IFI44L: variants seen among roughly 807,000 people sequenced by gnomAD.
IFI44L encodes interferon-induced protein 44-like.
In IFI44L, 40 loss-of-function variants were observed where a neutral mutation model predicts 39.3. The observed-to-expected ratio is 1.02, with a 90% CI of 0.79 to 1.33. The LOEUF (loss-of-function observed/expected upper bound fraction) is 1.33, where lower values mean the gene tolerates loss of function less well. Among genes scored for constraint, IFI44L ranks in the 40% most tolerant of loss-of-function variants. IFI44L has a pLI of 0.00. For synonymous variants in IFI44L, 198 were observed against 182.3 expected (o/e 1.09, Z -0.69); for missense variants, 623 against 549.0 (o/e 1.13, Z -1.35).
At chr1:78,626,315 G>A (rs901037885) in intron 1 of IFI44L, 1 of 151,790 alleles carries the variant, frequency 6.6e-6, no homozygotes, top group Non-Finnish European at 1.5e-5. Flanking sequence ...CCTTTTAGCT[G>A]TTTGAACATA....
Position 78,641,577 on chromosome 1 carries a change from A to G in IFI44L, c.1292A>G (p.Asp431Gly), listed in dbSNP as rs1557691440. 3.1e-6 allele frequency: 5 copies of G among 1,613,546 alleles called. No homozygotes were observed. Among genetic ancestry groups the G allele is most frequent in the South Asian group, 1.1e-5 (1 of 91,064 alleles). ...AGGCAGATGCTGCGGGCTGCAGATG[A>G]TTTTTTAGAAGATTTGCCTCTTGAG... ...ALRQMLRAAD[D>G]FLEDLPLEET... The change falls in exon 8 of 9, where the codon GAT (aspartate) becomes GGT (glycine). Residue 431 changes from aspartate to glycine, a missense_variant. Asp to Gly is a moderately conservative substitution (Grantham distance 94). Coordinates refer to ENST00000370751, the MANE Select transcript of IFI44L (RefSeq NM_006820.4).
chr1:78,627,959 T>C lies in IFI44L; in HGVS notation c.44T>C (p.Leu15Pro), dbSNP rs1652556251. The change falls in exon 2 of 9, where the codon CTG (leucine) becomes CCG (proline). Residue 15 changes from leucine to proline, a missense_variant. Physicochemically the swap from Leu to Pro is moderately conservative, Grantham distance 98. Coordinates refer to ENST00000370751, the MANE Select transcript of IFI44L (RefSeq NM_006820.4). Reference protein sequence around the residue: ...TRLTWNDENHLRKLLGNVSLS... With the variant: ...TRLTWNDENHPRKLLGNVSLS... ...TTGACATGGAATGATGAAAATCATC[T>C]GCGCAAGCTGCTTGGAAATGTTTCT... The C allele has an allele frequency of 1.2e-6, 2 of 1,607,506 alleles. No homozygotes were observed. Among genetic ancestry groups the C allele is most frequent in the African/African-American group, 2.7e-5 (2 of 74,604 alleles).
At position 78,635,562 on chromosome 1, in the gene IFI44L, T is replaced by A. The variant is rs1389014804; in HGVS notation, c.876+73T>A. 6.3e-6 allele frequency: 9 copies of A among 1,432,186 alleles called. No individual in the cohort carries two copies. The Admixed American group carries it at 1.7e-4, about 27-fold the overall frequency. 88.7% of individuals were successfully genotyped at this position (1,432,186 alleles called of 1,614,324 possible). A position where few individuals can be genotyped will look rare whatever the true frequency, so the allele number is the denominator to read the frequency against. Reference sequence around the variant, plus strand: ...ATTTTTCATTGAATTTTTAACCACATAAGGCAATTTCAACTCCCATAATGT... The same window carrying A: ...ATTTTTCATTGAATTTTTAACCACAAAAGGCAATTTCAACTCCCATAATGT... On this transcript the variant is annotated intron_variant, in intron 5 of 8. Transcript: ENST00000370751.
chr1:78,633,290 A>G (rs1237533175), intron 4 of IFI44L, among the ~76,000 whole-genome samples: 11 of 152,166 alleles, frequency 7.2e-5, no homozygotes, highest in African/African-American at 1.4e-4. Context: ...ATAGAACCTC[A>G]TGGCCCCAGA....
intron 2 of IFI44L, 123 bp from the exon 3 acceptor site, chr1:78,628,828 C>T: frequency 4.6e-6 from 3 of 647,572 alleles, no homozygotes; most frequent in Non-Finnish European, 8.3e-6. Context: ...ACTCTGACTC[C>T]TAACTGAGCA....
intron 6 of IFI44L, among the ~76,000 whole-genome samples, chr1:78,639,544 T>C (rs273254): frequency 0.054 from 8,153 of 152,162 alleles, 270 homozygotes; most frequent in East Asian, 0.1. Flanking sequence ...CTGGGACATA[T>C]GAAGTAAAAA....
At chr1:78,636,997 T>C in intron 5 of IFI44L, 35 bp from the exon 6 acceptor site, 6 of 1,529,072 alleles carry the variant, frequency 3.9e-6, no homozygotes, top group Non-Finnish European at 5.4e-6. Flanking sequence ...AGAGGCTCTC[T>C]GATTTCTGAA....
chr1:78,645,518 A>G lies in IFI44L; in HGVS notation c.*3709A>G, dbSNP rs2100412564. 1 of 152,302 alleles carries G rather than the reference A, an allele frequency of 6.6e-6. No homozygotes were observed. The highest frequency in any genetic ancestry group is 2.1e-4 in the South Asian group (1 of 4,828). 9.4% of individuals were successfully genotyped at this position (152,302 alleles called of 1,614,324 possible). Reference sequence around the variant, plus strand: ...AATTAATTTATTTTGACGCAAATTGATAGGGGGGCCAAGTAAGCCCCATAT... The same window carrying G: ...AATTAATTTATTTTGACGCAAATTGGTAGGGGGGCCAAGTAAGCCCCATAT... On this transcript the variant is annotated 3_prime_UTR_variant, in exon 9 of 9. Coordinates refer to ENST00000370751, the MANE Select transcript of IFI44L (RefSeq NM_006820.4).
rs1553173620 is a variant in IFI44L at position 78,642,398 on chromosome 1, A to AAAAAT, written c.*592_*596dup. ...CATCTCCACTGCAAAAAAAAAAAAA[A>AAAAAT]AAAATAAGAAAGAACAAAACAAACC... On this transcript the variant is annotated 3_prime_UTR_variant, in exon 9 of 9. Coordinates refer to ENST00000370751, the MANE Select transcript of IFI44L (RefSeq NM_006820.4). 2 of 151,346 alleles carry AAAAAT rather than the reference A, an allele frequency of 1.3e-5. No homozygotes were observed. Among genetic ancestry groups the AAAAAT allele is most frequent in the Non-Finnish European group, 2.9e-5 (2 of 68,012 alleles). The allele number at this position is 151,346 out of a possible 1,614,324, so 9.4% of individuals were successfully genotyped here.
intron 4 of IFI44L, among the ~76,000 whole-genome samples, chr1:78,633,934 A>G (rs1419052721): frequency 6.6e-6 from 1 of 152,148 alleles, no homozygotes; most frequent in Non-Finnish European, 1.5e-5. Flanking sequence ...CAATGGGTGA[A>G]ATGAGAAATG....
In IFI44L at chr1:78,629,884, T is replaced by C. The variant is rs1014045776; in HGVS notation, c.692T>C (p.Val231Ala). Residue 231 changes from valine (V) to alanine (A), a missense_variant, in exon 4 of 9, where the codon GTG becomes GCG. Coordinates refer to ENST00000370751, the MANE Select transcript of IFI44L (RefSeq NM_006820.4). ...GGCCATGTGACTGGCCAAGCCGTAG[T>C]GGGGTCTGATATCACCAGCATAACC... ...FHGHVTGQAVVGSDITSITER... is the reference protein window; with the variant it reads ...FHGHVTGQAVAGSDITSITER... 2 of 1,613,814 alleles carry C rather than the reference T, an allele frequency of 1.2e-6. No individual in the cohort carries two copies. The highest frequency in any genetic ancestry group is 4.5e-5 in the East Asian group (2 of 44,852).
In IFI44L at chr1:78,641,917, C is replaced by A; in HGVS notation, c.*108C>A. The A allele has an allele frequency of 8.1e-7, 1 of 1,236,024 alleles. No homozygotes were observed. The highest frequency in any genetic ancestry group is 1.2e-6 in the Non-Finnish European group (1 of 836,092). The allele number at this position is 1,236,024 out of a possible 1,614,324, so 76.6% of individuals were successfully genotyped here. ...TCAGATTTTGCTTTTGTTCGTTTTGCCTTCTGTCCTTGGAACAGTCATATC... is the reference window on the plus strand; with the variant it reads ...TCAGATTTTGCTTTTGTTCGTTTTGACTTCTGTCCTTGGAACAGTCATATC... On this transcript the variant is annotated 3_prime_UTR_variant, in exon 9 of 9. Transcript: ENST00000370751.
Position 78,629,747 on chromosome 1 carries a change from C to T in IFI44L, c.555C>T (p.Ile185=). ...ACAGAAATAGGCTTCTAGCAGACATCAGAGACTATAGGCCCTATGCAGACT... is the reference window on the plus strand; with the variant it reads ...ACAGAAATAGGCTTCTAGCAGACATTAGAGACTATAGGCCCTATGCAGACT... ...REHRNRLLAD[I]RDYRPYADLV... The change falls in exon 4 of 9, where the codon ATC becomes ATT. Residue 185 remains isoleucine, a synonymous_variant. Coordinates refer to ENST00000370751, the MANE Select transcript of IFI44L (RefSeq NM_006820.4). The T allele has an allele frequency of 6.2e-7, 1 of 1,613,156 alleles. No individual in the cohort carries two copies.
intron 1 of IFI44L, among the ~76,000 whole-genome samples, chr1:78,624,333 G>C (rs1316015866): frequency 6.6e-6 from 1 of 152,062 alleles, no homozygotes; most frequent in Non-Finnish European, 1.5e-5. Flanking sequence ...ATTTCATTTT[G>C]ATCCACTGCT....
intron 1 of IFI44L, chr1:78,627,517 A>G (rs544866138): frequency 6.5e-6 from 1 of 153,264 alleles, no homozygotes; most frequent in East Asian, 1.9e-4. Context: ...TTGTTTACAT[A>G]TTATCTATGA....
chr1:78,639,617 A>T (rs1256675564), intron 6 of IFI44L, among the ~76,000 whole-genome samples: 2 of 152,028 alleles, frequency 1.3e-5, no homozygotes, highest in Non-Finnish European at 2.9e-5. Flanking sequence ...GCCAAATTGC[A>T]TTATCTGCAC....
chr1:78,642,318 T>C lies in IFI44L; in HGVS notation c.*509T>C, dbSNP rs1468830964. ...CACTCTCTCCAACATCACATTCACT[T>C]TAAATTTTTCTGTATATAGAAAGGA... On this transcript the variant is annotated 3_prime_UTR_variant, in exon 9 of 9. Coordinates refer to ENST00000370751, the MANE Select transcript of IFI44L (RefSeq NM_006820.4). The C allele has an allele frequency of 6.7e-6, 1 of 149,498 alleles. No homozygotes were observed. The highest frequency in any genetic ancestry group is 1.5e-5 in the Non-Finnish European group (1 of 67,810). 9.3% of individuals were successfully genotyped at this position (149,498 alleles called of 1,614,324 possible). A position where few individuals can be genotyped will look rare whatever the true frequency, so the allele number is the denominator to read the frequency against.
chr1:78,641,676 A>T, intron 8 of IFI44L, 67 bp downstream of exon 8: 1 of 1,607,712 alleles, frequency 6.2e-7, no homozygotes, highest in Non-Finnish European at 8.5e-7. Context: ...TAAGTTATAC[A>T]TCAGTTATTA....
At position 78,635,405 on chromosome 1, in the gene IFI44L, G is replaced by T. The variant is rs1322639584; in HGVS notation, c.792G>T (p.Met264Ile). 4 of 1,613,040 alleles carry T rather than the reference G, an allele frequency of 2.5e-6. No individual in the cohort carries two copies. The Admixed American group carries it at 5.0e-5, about 20-fold the overall frequency. Residue 264 changes from methionine to isoleucine, a missense_variant, in exon 5 of 9, where the codon ATG becomes ATT. Met to Ile is a conservative substitution (Grantham distance 10). Transcript: ENST00000370751. ...KSLPFMLCDT[M>I]GLDGAEGAGL... ...TGCCATTTATGTTGTGTGACACTAT[G>T]GGGCTAGATGGGGCAGAAGGAGCAG...
Sources: allele counts gnomAD v4.1 joint callset (sites outside exome capture counted in the v4.1 genomes callset), GRCh38; gene constraint gnomAD v4.1.1; transcripts MANE v1.5; gene names NCBI Gene and HGNC (gene_info 2026-07-23, HGNC 2026-07-21).